RAB3A: variants seen among roughly 807,000 people sequenced by gnomAD.
RAB3A encodes ras-related protein Rab-3A.
A neutral mutation model predicts 19.7 loss-of-function variants in RAB3A; 5 were observed. The observed-to-expected ratio is 0.25, with a 90% CI of 0.13 to 0.53. RAB3A has a LOEUF of 0.53. RAB3A is among the 20% of genes least tolerant of loss of function. The pLI is 0.95. For missense variants in RAB3A, 189 were observed against 305.6 expected (o/e 0.62, Z 2.85); for synonymous variants, 119 against 122.1 (o/e 0.97, Z 0.17).
In RAB3A at chr19:18,196,936, A is replaced by ACC. The variant is rs1967533789; in HGVS notation, c.*532_*533dup. ...GGGGGGGGGTCCCAGGGTGGTGAAT[A>ACC]CCCACAGCACACCCCCCCACCAAAA... On this transcript the variant is annotated 3_prime_UTR_variant, in exon 5 of 5. Transcript: ENST00000222256. 7.0e-6 allele frequency: 1 copy of ACC among 142,724 alleles called. No individual in the cohort carries two copies. The highest frequency in any genetic ancestry group is 3.0e-5 in the African/African-American group (1 of 32,884). The allele number at this position is 142,724 out of a possible 1,614,324, so 8.8% of individuals were successfully genotyped here.
Position 18,200,527 on chromosome 19 carries a change from C to T in RAB3A, c.229-82G>A, listed in dbSNP as rs889500367. 4 of 1,211,296 alleles carry T rather than the reference C, an allele frequency of 3.3e-6. No homozygotes were observed. The African/African-American group carries it at 4.6e-5, about 14-fold the overall frequency. 75.0% of individuals were successfully genotyped at this position (1,211,296 alleles called of 1,614,324 possible). Reference sequence around the variant, plus strand: ...AAATGAGCTCTGATATCATCCAGTTCAGCCCCCTGGGAGAAGCAGGAGCTT... The same window carrying T: ...AAATGAGCTCTGATATCATCCAGTTTAGCCCCCTGGGAGAAGCAGGAGCTT... On this transcript the variant is annotated intron_variant, in intron 2 of 4. Transcript: ENST00000222256.
chr19:18,201,814 G>A (rs542086721), intron 2 of RAB3A, among the ~76,000 whole-genome samples: 2 of 152,240 alleles, frequency 1.3e-5, no homozygotes, highest in African/African-American at 4.8e-5. Context: ...TTAACTGTAG[G>A]TTTAAAAATT....
chr19:18,196,861 G>A lies in RAB3A; in HGVS notation c.*609C>T, dbSNP rs964363846. ...TGTCATGACATCTCCTAAGGAACTG[G>A]GGGGCACGTTTGACACTCATGAGGT... On this transcript the variant is annotated 3_prime_UTR_variant, in exon 5 of 5. Coordinates refer to ENST00000222256, the MANE Select transcript of RAB3A (RefSeq NM_002866.5). 4.9e-6 allele frequency: 1 copy of A among 202,376 alleles called. No individual in the cohort carries two copies. Among genetic ancestry groups the A allele is most frequent in the Admixed American group, 5.4e-5 (1 of 18,682 alleles). The allele number at this position is 202,376 out of a possible 1,614,324, so 12.5% of individuals were successfully genotyped here. A position where few individuals can be genotyped will look rare whatever the true frequency, so the allele number is the denominator to read the frequency against.
At position 18,197,552 on chromosome 19, in the gene RAB3A, G is replaced by T; in HGVS notation, c.581C>A (p.Ala194Glu). 1.9e-6 allele frequency: 3 copies of T among 1,613,768 alleles called. No homozygotes were observed. The highest frequency in any genetic ancestry group is 2.2e-5 in the East Asian group (1 of 44,874). The change falls in exon 5 of 5, where the codon GCG becomes GAG. Residue 194 changes from alanine to glutamate, a missense_variant. Transcript: ENST00000222256. ...CTTGGCGCCTGTGACCGCAGGGTCC[G>T]CCGTGTCCAACGACTCGGACATCTT... ...CEKMSESLDT[A>E]DPAVTGAKQG...
intron 3 of RAB3A, among the ~76,000 whole-genome samples, chr19:18,199,888 G>A (rs1967584434): frequency 6.6e-6 from 1 of 152,088 alleles, no homozygotes; most frequent in Admixed American, 6.6e-5. Context: ...GTTTCTATAT[G>A]GTTATAGTTT....
In RAB3A at chr19:18,197,425, A is replaced by G. The variant is rs909345362; in HGVS notation, c.*45T>C. Reference sequence around the variant, plus strand: ...CGGGTCAGGCCCGGGTAGTTGGGGGAAGGTGGGGAAGACAGGGAAGAGGGG... The same window carrying G: ...CGGGTCAGGCCCGGGTAGTTGGGGGGAGGTGGGGAAGACAGGGAAGAGGGG... On this transcript the variant is annotated 3_prime_UTR_variant, in exon 5 of 5. Transcript: ENST00000222256. 1.9e-6 allele frequency: 3 copies of G among 1,565,436 alleles called. No homozygotes were observed. Among genetic ancestry groups the G allele is most frequent in the Admixed American group, 3.7e-5 (2 of 53,896 alleles).
chr19:18,200,846 G>T (rs895659836), intron 2 of RAB3A, among the ~76,000 whole-genome samples: 2 of 152,060 alleles, frequency 1.3e-5, no homozygotes, highest in African/African-American at 2.4e-5. Context: ...CAGGTGAGAG[G>T]GTTGCTTGAG....
rs943508859 is a variant in RAB3A, at chr19:18,202,885, T to G, written c.1-145A>C. 1.6e-6 allele frequency: 1 copy of G among 637,426 alleles called. No homozygotes were observed. Among genetic ancestry groups the G allele is most frequent in the Admixed American group, 2.8e-5 (1 of 36,042 alleles). The allele number at this position is 637,426 out of a possible 1,614,324, so 39.5% of individuals were successfully genotyped here. On this transcript the variant is annotated intron_variant, in intron 1 of 4. Coordinates refer to ENST00000222256, the MANE Select transcript of RAB3A (RefSeq NM_002866.5). This position sits in a 1 kb window ranked among gnomAD's most constrained non-coding sequence, Gnocchi z 4.2. ...TCCCATCAGGAGCCCCAGTATTAAT[T>G]GGTGGTGCCCCCAGCAGAGGGCAGC... is the stretch of plus-strand genomic sequence containing the variant.
Position 18,197,408 on chromosome 19 carries a change from G to A in RAB3A, c.*62C>T. The A allele has an allele frequency of 1.3e-6, 2 of 1,540,524 alleles. No homozygotes were observed. The highest frequency in any genetic ancestry group is 1.8e-6 in the Non-Finnish European group (2 of 1,130,842). ...CCGTGGCTGGTAGGGGCCGGGTCAG[G>A]CCCGGGTAGTTGGGGGAAGGTGGGG... On this transcript the variant is annotated 3_prime_UTR_variant, in exon 5 of 5. Coordinates refer to ENST00000222256, the MANE Select transcript of RAB3A (RefSeq NM_002866.5).
Position 18,202,603 on chromosome 19 carries a change from C to G in RAB3A, c.138G>C (p.Ser46=), listed in dbSNP as rs144222621. The G allele has an allele frequency of 5.5e-5, 89 of 1,614,026 alleles. 1 individual carries two copies. In the African/African-American group the frequency reaches 1.1e-3, roughly 21 times the overall value. The part of the protein sequence containing the change: ...TSFLFRYADD[S]FTPAFVSTVG... ...CGGTGCTGACGAAGGCAGGCGTGAA[C>G]GAGTCGTCAGCATAGCGGAAGAGGA... is the stretch of plus-strand genomic sequence containing the variant. The change falls in exon 2 of 5, where the codon TCG becomes TCC. Residue 46 remains serine (S), a synonymous_variant. Coordinates refer to ENST00000222256, the MANE Select transcript of RAB3A (RefSeq NM_002866.5). This position sits in a 1 kb window ranked among gnomAD's most constrained non-coding sequence, Gnocchi z 4.2.
intron 4 of RAB3A, 63 bp from the exon 5 acceptor site, chr19:18,197,723 C>A: frequency 7.0e-7 from 1 of 1,421,496 alleles, no homozygotes; most frequent in South Asian, 1.3e-5. Context: ...CCCAGAGATG[C>A]TTCTCTGAGG....
chr19:18,201,535 A>C (rs927110486), intron 2 of RAB3A, among the ~76,000 whole-genome samples: 1 of 152,014 alleles, frequency 6.6e-6, no homozygotes, highest in Non-Finnish European at 1.5e-5. Flanking sequence ...TCAGTGAGCC[A>C]AGATTGCACT....
chr19:18,197,149 A>C lies in RAB3A; in HGVS notation c.*321T>G. The C allele has an allele frequency of 8.5e-6, 2 of 235,414 alleles. No homozygotes were observed. Among genetic ancestry groups the C allele is most frequent in the African/African-American group, 4.3e-5 (1 of 23,264 alleles). The allele number at this position is 235,414 out of a possible 1,614,324, so 14.6% of individuals were successfully genotyped here. A position where few individuals can be genotyped will look rare whatever the true frequency, so the allele number is the denominator to read the frequency against. ...CCCTCTTCACAACTGACAACTGTGG[A>C]TGGGGGTGAATTTTAAAAAAAGGCG... On this transcript the variant is annotated 3_prime_UTR_variant, in exon 5 of 5. Transcript: ENST00000222256.
Position 18,197,328 on chromosome 19 carries a change from T to A in RAB3A, c.*142A>T. Reference sequence around the variant, plus strand: ...GGGACATCTTCAATAAATAAATAAATAGCTACAATAATAAATAAGGGTGAC... The same window carrying A: ...GGGACATCTTCAATAAATAAATAAAAAGCTACAATAATAAATAAGGGTGAC... On this transcript the variant is annotated 3_prime_UTR_variant, in exon 5 of 5. Transcript: ENST00000222256. 1.3e-6 allele frequency: 1 copy of A among 766,626 alleles called. No homozygotes were observed. Among genetic ancestry groups the A allele is most frequent in the East Asian group, 2.9e-5 (1 of 34,916 alleles). The allele number at this position is 766,626 out of a possible 1,614,324, so 47.5% of individuals were successfully genotyped here. A position where few individuals can be genotyped will look rare whatever the true frequency, so the allele number is the denominator to read the frequency against.
chr19:18,203,070 C>A (rs1568653687), intron 1 of RAB3A, among the ~76,000 whole-genome samples: 1 of 152,294 alleles, frequency 6.6e-6, no homozygotes, highest in East Asian at 1.9e-4. Flanking sequence ...GGCTCCGCCC[C>A]CCATCAATCT....
At chr19:18,200,487 A>G in intron 2 of RAB3A, 42 bp from the exon 3 acceptor site, 1 of 1,496,378 alleles carries the variant, frequency 6.7e-7, no homozygotes, top group Non-Finnish European at 9.2e-7. Context: ...CCTGCACATA[A>G]GGCCCTCGAA....
rs1189356667 is a variant in RAB3A, at chr19:18,197,146, T to C, written c.*324A>G. The C allele has an allele frequency of 4.3e-6, 1 of 235,226 alleles. No homozygotes were observed. Among genetic ancestry groups the C allele is most frequent in the Non-Finnish European group, 7.1e-6 (1 of 141,066 alleles). 14.6% of individuals were successfully genotyped at this position (235,226 alleles called of 1,614,324 possible). A position where few individuals can be genotyped will look rare whatever the true frequency, so the allele number is the denominator to read the frequency against. ...GGCCCCTCTTCACAACTGACAACTGTGGATGGGGGTGAATTTTAAAAAAAG... is the reference window on the plus strand; with the variant it reads ...GGCCCCTCTTCACAACTGACAACTGCGGATGGGGGTGAATTTTAAAAAAAG... On this transcript the variant is annotated 3_prime_UTR_variant, in exon 5 of 5. Transcript: ENST00000222256.
chr19:18,201,248 A>AC (rs1967604318), intron 2 of RAB3A, among the ~76,000 whole-genome samples: 2 of 63,868 alleles, frequency 3.1e-5, no homozygotes, highest in Non-Finnish European at 7.0e-5. Flanking sequence ...AACAATAACA[A>AC]CAAAAAAAAA....
intron 3 of RAB3A, 26 bp downstream of exon 3, chr19:18,200,301 A>G (rs3803919): frequency 0.31 from 470,130 of 1,523,778 alleles, 75,864 homozygotes; most frequent in Non-Finnish European, 0.33. Flanking sequence ...GAAAAGAAAA[A>G]AAAAGAGCAA....
Sources: gnomAD v4.1 joint callset for allele counts (sites outside exome capture counted in the v4.1 genomes callset) on GRCh38, gnomAD v4.1.1 for gene constraint, Gnocchi (gnomAD v3.1) non-coding constraint, MANE v1.5 for transcripts, NCBI Gene and HGNC (gene_info 2026-07-23, HGNC 2026-07-21) for gene names.